SMIM14: variants seen among roughly 807,000 people sequenced by gnomAD.
SMIM14 encodes small integral membrane protein 14.
A neutral mutation model predicts 12.6 loss-of-function variants in SMIM14; 5 were observed. The observed-to-expected ratio is 0.40, with a 90% CI of 0.21 to 0.83. The LOEUF (loss-of-function observed/expected upper bound fraction) is 0.83, where lower values mean the gene tolerates loss of function less well. Ranked by LOEUF, SMIM14 falls within the 40% of genes least tolerant of loss-of-function variation. The probability of loss-of-function intolerance (pLI) is 0.37; values close to 1 mark genes in which losing one functional copy is unlikely to be tolerated. For synonymous variants in SMIM14, 30 were observed against 40.1 expected (o/e 0.75, Z 0.95); for missense variants, 86 against 119.1 (o/e 0.72, Z 1.29).
intron 3 of SMIM14, among the ~76,000 whole-genome samples, chr4:39,561,029 AT>A (rs949430928): frequency 6.9e-5 from 10 of 145,164 alleles, no homozygotes; most frequent in East Asian, 4.0e-4. Flanking sequence ...TTCCAGAGTG[AT>A]TTTTTTTTCT....
chr4:39,629,191 T>C (rs1272891024), intron 1 of SMIM14, among the ~76,000 whole-genome samples: 3 of 151,486 alleles, frequency 2.0e-5, no homozygotes, highest in Admixed American at 6.6e-5. Flanking sequence ...TGGAAACCCA[T>C]ATCTACTAAA....
At position 39,591,819 on chromosome 4, in the gene SMIM14, G is replaced by A. The variant is rs182782704; in HGVS notation, c.75+13252C>T. Among the ~76,000 whole-genome samples, 272 of 152,286 alleles carry A rather than the reference G, an allele frequency of 1.8e-3. 1 individual carries two copies. Among genetic ancestry groups the A allele is most frequent in the Admixed American group, 5.3e-3 (81 of 15,278 alleles). On this transcript the variant is annotated intron_variant, in intron 2 of 4. Coordinates refer to ENST00000295958, the MANE Select transcript of SMIM14 (RefSeq NM_174921.3). ...GGCCTCAAATGATCTGCCTGCCTCA[G>A]CCTCCCAAAGTGCTGGGATTACAGG...
chr4:39,553,994 T>C (rs1371456559), intron 4 of SMIM14, among the ~76,000 whole-genome samples: 2 of 152,240 alleles, frequency 1.3e-5, no homozygotes, highest in Non-Finnish European at 2.9e-5. Flanking sequence ...CTAAATGTTC[T>C]ATTCCTTAAA....
intron 2 of SMIM14, among the ~76,000 whole-genome samples, chr4:39,591,758 G>A (rs892231439): frequency 1.3e-5 from 2 of 151,872 alleles, no homozygotes; most frequent in African/African-American, 4.8e-5. Flanking sequence ...TACCAACAGG[G>A]TTTCACCATG....
chr4:39,615,096 G>T lies in SMIM14; in HGVS notation c.-35-9916C>A, dbSNP rs553758261. Among the ~76,000 whole-genome samples the T allele has an allele frequency of 2.0e-3, 304 of 149,912 alleles. 2 individuals carry two copies. The highest frequency in any genetic ancestry group is 7.2e-3 in the African/African-American group (295 of 41,198). ...AAATAGCCGATAGAGTCTCTAAAATGTTTTTTTTTTAATTTATTTATAGAG... is the reference window on the plus strand; with the variant it reads ...AAATAGCCGATAGAGTCTCTAAAATTTTTTTTTTTTAATTTATTTATAGAG... On this transcript the variant is annotated intron_variant, in intron 1 of 4. Coordinates refer to ENST00000295958, the MANE Select transcript of SMIM14 (RefSeq NM_174921.3).
At chr4:39,576,913 A>AT (rs1243979824) in intron 2 of SMIM14, among the ~76,000 whole-genome samples, 1 of 149,950 alleles carries the variant, frequency 6.7e-6, no homozygotes, top group Non-Finnish European at 1.5e-5. Context: ...GTTTCACCAT[A>AT]TTGGCCAGGC....
intron 2 of SMIM14, among the ~76,000 whole-genome samples, chr4:39,581,518 C>CTTTTTTTTTTTTTTTT (rs1432369898): frequency 1.7e-4 from 22 of 132,072 alleles, no homozygotes; most frequent in East Asian, 7.0e-4. Flanking sequence ...TTTTCTTTTT[C>CTTTTTTTTTTTTTTTT]TTTTTTTTTT....
intron 2 of SMIM14, among the ~76,000 whole-genome samples, chr4:39,592,099 G>A (rs187263268): frequency 2.5e-4 from 38 of 152,172 alleles, no homozygotes; most frequent in African/African-American, 8.9e-4. Context: ...TGGAGACTGA[G>A]GTGGGAGGAT....
At chr4:39,580,409 G>A (rs1713436199) in intron 2 of SMIM14, among the ~76,000 whole-genome samples, 1 of 152,050 alleles carries the variant, frequency 6.6e-6, no homozygotes, top group South Asian at 2.1e-4. Context: ...CCAACTTCTA[G>A]GCTCAAGGAA....
intron 2 of SMIM14, among the ~76,000 whole-genome samples, chr4:39,595,841 CTCAA>C (rs1714337013): frequency 6.6e-6 from 1 of 151,622 alleles, no homozygotes; most frequent in Non-Finnish European, 1.5e-5. Flanking sequence ...AACTCCTAGA[CTCAA>C]GTGATCGGTG....
intron 1 of SMIM14, among the ~76,000 whole-genome samples, chr4:39,613,696 T>C (rs1040376378): frequency 2.0e-5 from 3 of 152,226 alleles, no homozygotes; most frequent in Non-Finnish European, 2.9e-5. Flanking sequence ...TAGAAAGTAA[T>C]TTAAAACAAA....
chr4:39,604,626 T>G, intron 2 of SMIM14, among the ~76,000 whole-genome samples: 1 of 152,106 alleles, frequency 6.6e-6, no homozygotes, highest in Middle Eastern at 3.2e-3. Context: ...CTTTTTTTTT[T>G]TTGAGACAGA....
chr4:39,599,719 C>A (rs951987932), intron 2 of SMIM14, among the ~76,000 whole-genome samples: 1 of 151,716 alleles, frequency 6.6e-6, no homozygotes, highest in African/African-American at 2.4e-5. Context: ...GACAAGAGAT[C>A]GAGACCATCC....
At chr4:39,592,032 A>C (rs1714112259) in intron 2 of SMIM14, among the ~76,000 whole-genome samples, 1 of 151,868 alleles carries the variant, frequency 6.6e-6, no homozygotes, top group African/African-American at 2.4e-5. Context: ...ATCTCTACAA[A>C]AAAAAATACA....
Position 39,638,795 on chromosome 4 carries a change from CAGAA to C in SMIM14, c.-96_-93del. On this transcript the variant is annotated 5_prime_UTR_variant, in exon 1 of 5. Coordinates refer to ENST00000295958, the MANE Select transcript of SMIM14 (RefSeq NM_174921.3). The stretch of plus-strand genomic sequence containing the variant: ...GATGGGGGCCGGGACCGAGGCTCGG[CAGAA>C]AGACCGCCTGGAGCTTCCAGAAGGC... The C allele has an allele frequency of 1.0e-6, 1 of 985,658 alleles. No individual in the cohort carries two copies. Among genetic ancestry groups the C allele is most frequent in the Non-Finnish European group, 1.2e-6 (1 of 830,108 alleles). The allele number at this position is 985,658 out of a possible 1,614,324, so 61.1% of individuals were successfully genotyped here.
chr4:39,579,359 G>T (rs985408881), intron 2 of SMIM14, among the ~76,000 whole-genome samples: 3 of 148,424 alleles, frequency 2.0e-5, no homozygotes, highest in Non-Finnish European at 4.4e-5. Flanking sequence ...GCTGTGAGCT[G>T]TGTTTGTGCC....
intron 2 of SMIM14, among the ~76,000 whole-genome samples, chr4:39,582,406 T>G (rs756008513): frequency 6.6e-6 from 1 of 151,074 alleles, no homozygotes; most frequent in Non-Finnish European, 1.5e-5. Context: ...GGCTTATGCC[T>G]GTAATCCCAG....
chr4:39,574,237 C>CTTTTTTTTTTTTT (rs11338888), intron 2 of SMIM14, among the ~76,000 whole-genome samples: 3 of 126,870 alleles, frequency 2.4e-5, no homozygotes, highest in Non-Finnish European at 3.3e-5. Flanking sequence ...CTGCAACTTT[C>CTTTTTTTTTTTTT]TTTTTTTTTT....
chr4:39,613,753 AT>A (rs1462896011), intron 1 of SMIM14, among the ~76,000 whole-genome samples: 2 of 152,202 alleles, frequency 1.3e-5, no homozygotes, highest in Non-Finnish European at 2.9e-5. Context: ...CCCGATATAT[AT>A]CGCTAATGTT....
Sources: gnomAD v4.1 joint callset for allele counts (sites outside exome capture counted in the v4.1 genomes callset) on GRCh38, gnomAD v4.1.1 for gene constraint, MANE v1.5 for transcripts, NCBI Gene and HGNC (gene_info 2026-07-23, HGNC 2026-07-21) for gene names.